ASIC2: variants seen among roughly 807,000 people sequenced by gnomAD.
ASIC2 encodes acid sensing ion channel subunit 2.
In ASIC2, 25 loss-of-function variants were observed where a neutral mutation model predicts 57.3. That is an observed-to-expected ratio of 0.44 (90% CI 0.32 to 0.61). ASIC2 has a LOEUF of 0.61. Among genes scored for constraint, ASIC2 ranks in the 20% least tolerant of loss-of-function variants. The pLI, the probability that ASIC2 is intolerant of heterozygous loss-of-function variation, is 0.06. For synonymous variants in ASIC2, 319 were observed against 307.5 expected (o/e 1.04, Z -0.39); for missense variants, 641 against 738.1 (o/e 0.87, Z 1.52).
chr17:33,214,586 C>T (rs1597633542), intron 1 of ASIC2, among the ~76,000 whole-genome samples: 1 of 152,166 alleles, frequency 6.6e-6, no homozygotes, highest in African/African-American at 2.4e-5. Context: ...ATCAGAGTGC[C>T]TCAAACTTTA....
Position 33,852,480 on chromosome 17 carries a change from T to C in ASIC2, c.555+303498A>G, listed in dbSNP as rs556525961. On this transcript the variant is annotated intron_variant, in intron 1 of 9. Transcript: ENST00000359872. ...CTGAGCACCAATTATGTGAAGGCAC[T>C]ATGATGGATTTTACATGTGTAAAAG... Among the ~76,000 whole-genome samples the C allele has an allele frequency of 4.6e-5, 7 of 152,320 alleles. No homozygotes were observed. In the East Asian group the frequency reaches 1.4e-3, roughly 29 times the overall value.
rs1437997270 is a variant in ASIC2, at chr17:34,038,107, A to C, written c.555+117871T>G. ...TGATCTTCGAAAGACCAAAATCTGT[A>C]ATTTTTATCTCTCCACACCCTGTAC... On this transcript the variant is annotated intron_variant, in intron 1 of 9. Coordinates refer to the ASIC2 transcript ENST00000359872. The C allele has an allele frequency of 2.0e-5, 33 of 1,612,886 alleles. 1 individual carries two copies. In the East Asian group the frequency reaches 7.1e-4, roughly 35 times the overall value.
intron 3 of ASIC2, among the ~76,000 whole-genome samples, chr17:33,077,219 C>T (rs1282332766): frequency 6.6e-6 from 1 of 152,060 alleles, no homozygotes; most frequent in East Asian, 1.9e-4. Flanking sequence ...ATCAAAGGCC[C>T]TATTTTAAGA....
At chr17:34,044,346 C>T (rs1162607377) in intron 1 of ASIC2, among the ~76,000 whole-genome samples, 1 of 152,070 alleles carries the variant, frequency 6.6e-6, no homozygotes, top group Non-Finnish European at 1.5e-5. Context: ...AGGCCAATAA[C>T]ATGATTCTAA....
intron 1 of ASIC2, among the ~76,000 whole-genome samples, chr17:33,879,869 A>G (rs1914656242): frequency 6.6e-6 from 1 of 152,232 alleles, no homozygotes; most frequent in Admixed American, 6.5e-5. Context: ...AGCTCTCCTC[A>G]GAAAATGTAA....
At chr17:33,543,142 G>A (rs1356171151) in intron 1 of ASIC2, among the ~76,000 whole-genome samples, 1 of 123,530 alleles carries the variant, frequency 8.1e-6, no homozygotes, top group African/African-American at 3.3e-5. Flanking sequence ...GTGGTGGGGT[G>A]GGGGGAGGGG....
intron 1 of ASIC2, among the ~76,000 whole-genome samples, chr17:33,136,523 C>T (rs2092367775): frequency 6.6e-6 from 1 of 152,152 alleles, no homozygotes; most frequent in African/African-American, 2.4e-5. Context: ...ACCCAGCTGA[C>T]CCATGTCGTG....
At chr17:33,678,878 T>G (rs1316786750) in intron 1 of ASIC2, among the ~76,000 whole-genome samples, 1 of 152,120 alleles carries the variant, frequency 6.6e-6, no homozygotes, top group African/African-American at 2.4e-5. Flanking sequence ...GGGAGACAAA[T>G]GGAGCAAGTG....
intron 1 of ASIC2, among the ~76,000 whole-genome samples, chr17:33,651,252 C>G (rs1240284447): frequency 6.6e-6 from 1 of 151,944 alleles, no homozygotes; most frequent in East Asian, 1.9e-4. Flanking sequence ...TGGTTTTGAT[C>G]ATTTGTTATG....
Position 33,043,550 on chromosome 17 carries a change from G to T in ASIC2, c.988-15158C>A, listed in dbSNP as rs936785281. On this transcript the variant is annotated intron_variant, in intron 3 of 9. Coordinates refer to ENST00000225823, the MANE Select transcript of ASIC2 (RefSeq NM_183377.2). ...CCAATCAATCACAGACACTGTCTTAGAACTTATCTAAACACTGCCATTTGA... is the reference window on the plus strand; with the variant it reads ...CCAATCAATCACAGACACTGTCTTATAACTTATCTAAACACTGCCATTTGA... Among the ~76,000 whole-genome samples the T allele has an allele frequency of 2.6e-5, 4 of 152,274 alleles. No individual in the cohort carries two copies. In the South Asian group the frequency reaches 8.3e-4, roughly 32 times the overall value.
At chr17:33,986,518 A>G (rs1366957780) in intron 1 of ASIC2, among the ~76,000 whole-genome samples, 1 of 152,148 alleles carries the variant, frequency 6.6e-6, no homozygotes, top group Non-Finnish European at 1.5e-5. Flanking sequence ...GCCTATTCAT[A>G]TTCATCCCCT....
chr17:33,608,200 C>A (rs945193350), intron 1 of ASIC2, among the ~76,000 whole-genome samples: 7 of 152,146 alleles, frequency 4.6e-5, no homozygotes, highest in Non-Finnish European at 4.4e-5. Context: ...GTGCTTATTT[C>A]CTTTAACTCT....
intron 1 of ASIC2, among the ~76,000 whole-genome samples, chr17:33,641,603 G>A (rs1026379550): frequency 6.6e-6 from 1 of 152,212 alleles, no homozygotes; most frequent in African/African-American, 2.4e-5. Flanking sequence ...CACATGCAGT[G>A]GTGCAGAGTG....
At chr17:33,057,245 G>T (rs1034246080) in intron 3 of ASIC2, among the ~76,000 whole-genome samples, 4 of 152,160 alleles carry the variant, frequency 2.6e-5, no homozygotes, top group Non-Finnish European at 5.9e-5. Context: ...CTTCCCGGCT[G>T]CCTCTAACAC....
At chr17:33,993,310 A>G (rs1373724730) in intron 1 of ASIC2, among the ~76,000 whole-genome samples, 1 of 152,160 alleles carries the variant, frequency 6.6e-6, no homozygotes, top group Non-Finnish European at 1.5e-5. Flanking sequence ...GTCCAGAATG[A>G]TGATTTAGTT....
intron 2 of ASIC2, among the ~76,000 whole-genome samples, chr17:33,103,451 G>A (rs533886442): frequency 4.5e-4 from 69 of 152,210 alleles, no homozygotes; most frequent in Non-Finnish European, 8.4e-4. Context: ...TAGCCAATGT[G>A]TCTATTTCCT....
At chr17:33,527,935 A>G (rs1308670852) in intron 1 of ASIC2, among the ~76,000 whole-genome samples, 1 of 152,070 alleles carries the variant, frequency 6.6e-6, no homozygotes, top group Non-Finnish European at 1.5e-5. Flanking sequence ...TCGCTTTGAC[A>G]TTTTCTGTAG....
Position 33,374,006 on chromosome 17 carries a change from T to A in ASIC2, c.556-261939A>T, listed in dbSNP as rs538609517. ...CTTTATTTTTTATTTATTTATTTACTTATTTTGAGATGGAGTTTCACTCTT... is the reference window on the plus strand; with the variant it reads ...CTTTATTTTTTATTTATTTATTTACATATTTTGAGATGGAGTTTCACTCTT... On this transcript the variant is annotated intron_variant, in intron 1 of 9. Transcript: ENST00000359872. Among the ~76,000 whole-genome samples the A allele has an allele frequency of 9.2e-5, 14 of 152,054 alleles. No homozygotes were observed. The South Asian group carries it at 2.9e-3, about 32-fold the overall frequency.
At position 33,293,128 on chromosome 17, in the gene ASIC2, C is replaced by T. The variant is rs1597669982; in HGVS notation, c.-1013G>A. 1 of 774,820 alleles carries T rather than the reference C, an allele frequency of 1.3e-6. No individual in the cohort carries two copies. The highest frequency in any genetic ancestry group is 1.9e-5 in the African/African-American group (1 of 53,078). The allele number at this position is 774,820 out of a possible 1,614,324, so 48.0% of individuals were successfully genotyped here. A position where few individuals can be genotyped will look rare whatever the true frequency, so the allele number is the denominator to read the frequency against. Reference sequence around the variant, plus strand: ...GACTCGCTGCTCCGCGCGCCCTTCTCCTCTCGAGACTCCGAGCTCGCGGTG... The same window carrying T: ...GACTCGCTGCTCCGCGCGCCCTTCTTCTCTCGAGACTCCGAGCTCGCGGTG... On this transcript the variant is annotated 5_prime_UTR_variant, in exon 1 of 10. Coordinates refer to ENST00000225823, the MANE Select transcript of ASIC2 (RefSeq NM_183377.2).
Sources: allele counts gnomAD v4.1 joint callset (sites outside exome capture counted in the v4.1 genomes callset), GRCh38; gene constraint gnomAD v4.1.1; transcripts MANE v1.5; gene names NCBI Gene and HGNC (gene_info 2026-07-23, HGNC 2026-07-21).